The following CAMK1D variants were observed in gnomAD, a reference collection of about 807,000 sequenced individuals.
CAMK1D encodes calcium/calmodulin-dependent protein kinase type 1D.
CAMK1D carries 9 observed loss-of-function variants against 47.7 expected under a neutral mutation model. That is an observed-to-expected ratio of 0.19 (90% CI 0.11 to 0.33). The LOEUF is 0.33. CAMK1D is among the 10% of genes least tolerant of loss of function. The pLI is 1.00. For missense variants in CAMK1D, 291 were observed against 488.7 expected (o/e 0.60, Z 3.81); for synonymous variants, 184 against 184.9 (o/e 0.99, Z 0.04).
At chr10:12,685,767 T>C (rs1256023935) in intron 3 of CAMK1D, among the ~76,000 whole-genome samples, 1 of 152,180 alleles carries the variant, frequency 6.6e-6, no homozygotes, top group African/African-American at 2.4e-5. Context: ...AAACAAGTCA[T>C]GGAAGATGAA....
intron 1 of CAMK1D, among the ~76,000 whole-genome samples, chr10:12,406,418 A>G (rs1238422589): frequency 6.6e-6 from 1 of 152,126 alleles, no homozygotes; most frequent in Non-Finnish European, 1.5e-5. Flanking sequence ...TGTTTTTTTA[A>G]TTAAGCTGTT....
intron 1 of CAMK1D, among the ~76,000 whole-genome samples, chr10:12,532,264 C>T (rs1258808140): frequency 6.6e-6 from 1 of 151,664 alleles, no homozygotes; most frequent in Non-Finnish European, 1.5e-5. Context: ...CACAAGAGTC[C>T]TGTTTATCTT....
At chr10:12,575,463 A>G (rs922097848) in intron 2 of CAMK1D, among the ~76,000 whole-genome samples, 6 of 152,182 alleles carry the variant, frequency 3.9e-5, no homozygotes, top group Non-Finnish European at 7.3e-5. Flanking sequence ...CCAAATGTCC[A>G]TCTCTGGAAT....
chr10:12,644,133 T>C (rs1332015427), intron 2 of CAMK1D, among the ~76,000 whole-genome samples: 1 of 152,138 alleles, frequency 6.6e-6, no homozygotes, highest in Non-Finnish European at 1.5e-5. Flanking sequence ...ATGGAAAAAT[T>C]ATCCTCTGTG....
intron 2 of CAMK1D, among the ~76,000 whole-genome samples, chr10:12,621,652 C>A (rs1165373186): frequency 6.6e-6 from 1 of 152,042 alleles, no homozygotes. Flanking sequence ...TAGATTTATA[C>A]CTAAGCATTT....
intron 3 of CAMK1D, among the ~76,000 whole-genome samples, chr10:12,683,091 T>A (rs1832510435): frequency 6.7e-6 from 1 of 150,206 alleles, no homozygotes; most frequent in Non-Finnish European, 1.5e-5. Flanking sequence ...CCAGCTAATT[T>A]TTTTTTTTTT....
At chr10:12,817,200 G>A (rs1253748955) in intron 8 of CAMK1D, among the ~76,000 whole-genome samples, 3 of 152,212 alleles carry the variant, frequency 2.0e-5, no homozygotes, top group Admixed American at 2.0e-4. Context: ...TGAGATTTGG[G>A]TGGGGACAGA....
intron 1 of CAMK1D, among the ~76,000 whole-genome samples, chr10:12,407,231 TGGCAGGGCG>T (rs1325140446): frequency 2.6e-5 from 4 of 152,210 alleles, no homozygotes; most frequent in Non-Finnish European, 5.9e-5. Flanking sequence ...GCAGGAGGCC[TGGCAGGGCG>T]GGCAGAGCCG....
At chr10:12,801,297 G>GTATCTATCTATCTATC (rs1183015885) in intron 6 of CAMK1D, among the ~76,000 whole-genome samples, 52 of 89,982 alleles carry the variant, frequency 5.8e-4, no homozygotes, top group East Asian at 1.4e-3. Flanking sequence ...GTCTGTGTGT[G>GTATCTATCTATCTATC]TATCTATCTA....
At chr10:12,717,573 C>T (rs1477664737) in intron 3 of CAMK1D, among the ~76,000 whole-genome samples, 1 of 151,718 alleles carries the variant, frequency 6.6e-6, no homozygotes, top group African/African-American at 2.4e-5. Flanking sequence ...GCAACATAGA[C>T]CTCTTCTCTA....
intron 3 of CAMK1D, among the ~76,000 whole-genome samples, chr10:12,723,305 C>T (rs773423801): frequency 2.6e-5 from 4 of 152,150 alleles, no homozygotes; most frequent in Non-Finnish European, 5.9e-5. Context: ...AGATGTCTGA[C>T]CTCTTCCATG....
At chr10:12,439,790 G>A (rs1235402032) in intron 1 of CAMK1D, among the ~76,000 whole-genome samples, 5 of 152,212 alleles carry the variant, frequency 3.3e-5, no homozygotes, top group Admixed American at 2.0e-4. Flanking sequence ...AGACATACCC[G>A]AGACTGGGTA....
At chr10:12,731,452 G>A (rs191426089) in intron 3 of CAMK1D, among the ~76,000 whole-genome samples, 24 of 152,308 alleles carry the variant, frequency 1.6e-4, no homozygotes, top group Admixed American at 7.8e-4. Context: ...GAAAGTGAGC[G>A]GACTAGAGAA....
At chr10:12,382,100 A>G (rs1446491928) in intron 1 of CAMK1D, among the ~76,000 whole-genome samples, 1 of 152,210 alleles carries the variant, frequency 6.6e-6, no homozygotes, top group Non-Finnish European at 1.5e-5. Flanking sequence ...GAACAAAATG[A>G]TGATATTCAA....
intron 1 of CAMK1D, among the ~76,000 whole-genome samples, chr10:12,517,104 T>C (rs1317862429): frequency 6.6e-6 from 1 of 152,252 alleles, no homozygotes; most frequent in African/African-American, 2.4e-5. Context: ...TACGTTGTTA[T>C]AGTAATGTTT....
chr10:12,543,041 C>T (rs1836246915), intron 1 of CAMK1D, among the ~76,000 whole-genome samples: 1 of 151,430 alleles, frequency 6.6e-6, no homozygotes, highest in Admixed American at 6.6e-5. Context: ...GCCACCATTC[C>T]TGGCTATTAT....
At chr10:12,424,000 C>A (rs900460064) in intron 1 of CAMK1D, among the ~76,000 whole-genome samples, 1 of 152,204 alleles carries the variant, frequency 6.6e-6, no homozygotes, top group African/African-American at 2.4e-5. Context: ...CCCTTCAAGG[C>A]CACCCATCTC....
intron 1 of CAMK1D, among the ~76,000 whole-genome samples, chr10:12,381,633 A>T (rs568590092): frequency 6.6e-6 from 1 of 152,036 alleles, no homozygotes. Context: ...GCCAATTCTC[A>T]AGTTTTTTAA....
chr10:12,512,105 G>A (rs1346169398), intron 1 of CAMK1D, among the ~76,000 whole-genome samples: 1 of 152,190 alleles, frequency 6.6e-6, no homozygotes. Context: ...ATGCTAAAGG[G>A]ACCTCTGCTA....
Sources: allele counts gnomAD v4.1 joint callset (sites outside exome capture counted in the v4.1 genomes callset), GRCh38; gene constraint gnomAD v4.1.1; transcripts MANE v1.5; gene names NCBI Gene and HGNC (gene_info 2026-07-23, HGNC 2026-07-21).